Variants in RBFOX1 observed in about 807,000 individuals in gnomAD.
The protein encoded by RBFOX1 is RNA binding fox-1 homolog 1, also known as RNA binding protein fox-1 homolog 1.
Under a neutral mutation model 57.7 loss-of-function variants are expected in RBFOX1, and 8 were observed. The observed-to-expected ratio is 0.14, with a 90% confidence interval of 0.08 to 0.25. The LOEUF is 0.25. RBFOX1 is among the 10% of genes least tolerant of loss of function. The probability of loss-of-function intolerance (pLI) is 1.00; values close to 1 mark genes in which losing one functional copy is unlikely to be tolerated. For synonymous variants in RBFOX1, 326 were observed against 222.4 expected, an observed-to-expected ratio of 1.47 and a Z score of -4.15; for missense variants, 611 against 548.5, an observed-to-expected ratio of 1.11 and a Z score of -1.14.
intron 3 of RBFOX1, among the ~76,000 whole-genome samples, chr16:6,818,909 C>G (rs140131489): frequency 1.3e-5 from 2 of 152,316 alleles, no homozygotes; most frequent in East Asian, 1.9e-4. Flanking sequence ...TCGATTTCCT[C>G]TGGGCATGCT....
chr16:6,428,705 A>AGAATAT lies in RBFOX1; in HGVS notation c.-64+111649_-64+111654dup, dbSNP rs1157761844. ...TCACGTCCTGAAATCTACAGTGAGA[A>AGAATAT]GAATATTCACTGGGCTACGTAAACA... On this transcript the variant is annotated intron_variant, in intron 2 of 15. Transcript: ENST00000550418. Among the ~76,000 whole-genome samples, 6 of 152,220 alleles carry AGAATAT rather than the reference A, an allele frequency of 3.9e-5. No individual in the cohort carries two copies. In the East Asian group the frequency reaches 9.6e-4, roughly 24 times the overall value.
At chr16:5,614,202 A>AT (rs1043732917) in intron 3 of RBFOX1, among the ~76,000 whole-genome samples, 61 of 152,032 alleles carry the variant, frequency 4.0e-4, no homozygotes, top group African/African-American at 1.4e-3. Context: ...TGAGCCTGAC[A>AT]TTTTTTTTCC....
At chr16:7,474,592 C>T (rs898314115) in intron 4 of RBFOX1, among the ~76,000 whole-genome samples, 3 of 152,114 alleles carry the variant, frequency 2.0e-5, no homozygotes, top group South Asian at 2.1e-4. Context: ...GTGGCAGGAC[C>T]GCAATTACTT....
rs546500998 is a variant in RBFOX1, at chr16:6,413,842, G to A, written c.-64+96785G>A. Among the ~76,000 whole-genome samples, 4 of 152,178 alleles carry A rather than the reference G, an allele frequency of 2.6e-5. No homozygotes were observed. In the South Asian group the frequency reaches 8.3e-4, roughly 32 times the overall value. On this transcript the variant is annotated intron_variant, in intron 2 of 15. Transcript: ENST00000550418. ...CCCTGCATGTTCTTTTTTGTTGGGG[G>A]GAACTATGGCGACAACTAAAGGCTG...
chr16:5,693,408 A>G (rs1443833353), intron 3 of RBFOX1, among the ~76,000 whole-genome samples: 1 of 151,902 alleles, frequency 6.6e-6, no homozygotes, highest in Non-Finnish European at 1.5e-5. Context: ...CTCTGAATCA[A>G]AACACTGCAA....
At position 7,710,899 on chromosome 16, in the gene RBFOX1, A is replaced by T; in HGVS notation, c.*154A>T. 1 of 812,330 alleles carries T rather than the reference A, an allele frequency of 1.2e-6. No homozygotes were observed. Among genetic ancestry groups the T allele is most frequent in the Non-Finnish European group, 1.7e-6 (1 of 588,012 alleles). 50.3% of individuals were successfully genotyped at this position (812,330 alleles called of 1,614,324 possible). On this transcript the variant is annotated 3_prime_UTR_variant, in exon 16 of 16. Transcript: ENST00000550418. ...AAAAAAATTACATTTTTTATCTTAT[A>T]CCTCAGATATTTTGTTCTGTGTATT...
chr16:6,460,972 G>C (rs550147068), intron 2 of RBFOX1, among the ~76,000 whole-genome samples: 1 of 152,228 alleles, frequency 6.6e-6, no homozygotes, highest in South Asian at 2.1e-4. Flanking sequence ...GATGAAACTG[G>C]AAGCCATTAC....
chr16:5,913,874 A>C (rs11647351), intron 4 of RBFOX1, among the ~76,000 whole-genome samples: 9,700 of 152,332 alleles, frequency 0.064, 379 homozygotes, highest in African/African-American at 0.1. Context: ...CACTTTGGAT[A>C]TATGAATGAC....
chr16:5,534,570 A>T (rs994307542), intron 2 of RBFOX1, among the ~76,000 whole-genome samples: 1 of 152,156 alleles, frequency 6.6e-6, no homozygotes, highest in Admixed American at 6.5e-5. Flanking sequence ...AGCGCAGGAG[A>T]AAGATGAAAG....
intron 3 of RBFOX1, among the ~76,000 whole-genome samples, chr16:6,905,012 G>A (rs1228027951): frequency 6.6e-6 from 1 of 152,094 alleles, no homozygotes; most frequent in Non-Finnish European, 1.5e-5. Flanking sequence ...TGTTAGCATG[G>A]TAAAAGAGTT....
At chr16:5,310,174 G>A (rs1339739051) in intron 1 of RBFOX1, among the ~76,000 whole-genome samples, 6 of 152,054 alleles carry the variant, frequency 3.9e-5, no homozygotes, top group South Asian at 2.1e-4. Context: ...TGAGGTGGGC[G>A]GATCACTCGA....
intron 3 of RBFOX1, among the ~76,000 whole-genome samples, chr16:5,753,131 G>C (rs116112002): frequency 0.021 from 3,151 of 151,978 alleles, 97 homozygotes; most frequent in African/African-American, 0.071. Context: ...CTGCACTCCA[G>C]CATGGGCAGC....
At chr16:5,950,428 A>C (rs984404997) in intron 4 of RBFOX1, among the ~76,000 whole-genome samples, 2 of 152,142 alleles carry the variant, frequency 1.3e-5, no homozygotes, top group South Asian at 4.1e-4. Context: ...GCAGTTCCAC[A>C]TTGGTGGGTT....
chr16:5,509,336 G>A (rs970470623), intron 2 of RBFOX1, among the ~76,000 whole-genome samples: 11 of 152,166 alleles, frequency 7.2e-5, no homozygotes, highest in Non-Finnish European at 1.3e-4. Flanking sequence ...CCGGAACCAT[G>A]GTACTCCCTG....
intron 4 of RBFOX1, among the ~76,000 whole-genome samples, chr16:7,461,428 A>C (rs2150547929): frequency 6.6e-6 from 1 of 152,258 alleles, no homozygotes; most frequent in African/African-American, 2.4e-5. Flanking sequence ...AGCCTCCCAA[A>C]GTGCTGGGAT....
chr16:5,678,727 G>GT (rs2151431480), intron 3 of RBFOX1, among the ~76,000 whole-genome samples: 1 of 152,342 alleles, frequency 6.6e-6, no homozygotes, highest in East Asian at 1.9e-4. Flanking sequence ...GGTACATGGA[G>GT]TTTGTCGACA....
chr16:6,767,768 G>A (rs1456698121), intron 3 of RBFOX1, among the ~76,000 whole-genome samples: 14 of 151,754 alleles, frequency 9.2e-5, no homozygotes, highest in Admixed American at 9.2e-4. Context: ...ACAAAAATTA[G>A]CCAGGCATGG....
At chr16:7,178,279 A>C (rs1252862936) in intron 4 of RBFOX1, among the ~76,000 whole-genome samples, 1 of 152,230 alleles carries the variant, frequency 6.6e-6, no homozygotes, top group Non-Finnish European at 1.5e-5. Context: ...AGTTTCTGCA[A>C]CACACAGCCT....
chr16:5,239,877 C>G (rs1343077975), exon 1 of RBFOX1: 3 of 1,410,660 alleles, frequency 2.1e-6, no homozygotes, highest in South Asian at 2.5e-5. Flanking sequence ...CAGGCAGAGC[C>G]CCCGGAGCCA....
Sources: allele counts gnomAD v4.1 joint callset (sites outside exome capture counted in the v4.1 genomes callset), GRCh38; gene constraint gnomAD v4.1.1; transcripts MANE v1.5; gene names NCBI Gene and HGNC (gene_info 2026-07-23, HGNC 2026-07-21).